The following C8orf34 variants were observed in gnomAD, a reference collection of about 807,000 sequenced individuals.
The protein encoded by C8orf34 is chromosome 8 open reading frame 34, also known as uncharacterized protein C8orf34.
In C8orf34, 65 loss-of-function variants were observed where a neutral mutation model predicts 68.3. The ratio of observed to expected loss-of-function variants is 0.95; its 90% CI spans 0.78 to 1.17. The LOEUF (loss-of-function observed/expected upper bound fraction) is 1.17. C8orf34 is among the 50% of genes most tolerant of loss of function. C8orf34 has a pLI of 0.00. For missense variants in C8orf34, 664 were observed against 655.4 expected (o/e 1.01, Z -0.14); for synonymous variants, 244 against 241.2 (o/e 1.01, Z -0.11).
At position 68,781,335 on chromosome 8, in the gene C8orf34, C is replaced by A. The variant is rs913478285; in HGVS notation, c.1455+4886C>A. ...GATAGAATAATATATTGATTCAGAG[C>A]TAGCAACCATGTTCCATGTGATAAA... is the stretch of plus-strand genomic sequence containing the variant. On this transcript the variant is annotated intron_variant, in intron 11 of 13. Transcript: ENST00000518698. 3.9e-5 allele frequency among the ~76,000 whole-genome samples: 6 copies of A among 152,188 alleles called. 1 individual carries two copies. In the South Asian group the frequency reaches 6.2e-4, roughly 16 times the overall value.
intron 5 of C8orf34, among the ~76,000 whole-genome samples, chr8:68,516,221 C>T (rs1001739360): frequency 2.6e-5 from 4 of 152,148 alleles, no homozygotes; most frequent in South Asian, 4.1e-4. Flanking sequence ...TTTGGTTAGA[C>T]GTAGAGATAC....
chr8:68,747,681 A>G (rs867974639), intron 10 of C8orf34, among the ~76,000 whole-genome samples: 1 of 152,270 alleles, frequency 6.6e-6, no homozygotes, highest in South Asian at 2.1e-4. Flanking sequence ...CTTTCAAGGG[A>G]TGTGAAGGAC....
intron 1 of C8orf34, among the ~76,000 whole-genome samples, chr8:68,415,255 G>A (rs986316875): frequency 6.6e-6 from 1 of 152,136 alleles, no homozygotes; most frequent in African/African-American, 2.4e-5. Flanking sequence ...CCAGGCGGGT[G>A]GATCACCTGA....
At chr8:68,805,577 G>A (rs1420808908) in intron 12 of C8orf34, among the ~76,000 whole-genome samples, 7 of 152,014 alleles carry the variant, frequency 4.6e-5, no homozygotes, top group Non-Finnish European at 5.9e-5. Flanking sequence ...TTTATTATTA[G>A]GAGATATTTC....
intron 2 of C8orf34, among the ~76,000 whole-genome samples, chr8:68,445,771 C>T (rs910521648): frequency 7.2e-5 from 11 of 152,120 alleles, no homozygotes; most frequent in African/African-American, 2.2e-4. Flanking sequence ...TCGGAACCCC[C>T]GCCTGAAAAA....
intron 1 of C8orf34, among the ~76,000 whole-genome samples, chr8:68,396,246 T>G (rs944658885): frequency 6.6e-6 from 1 of 152,136 alleles, no homozygotes; most frequent in Admixed American, 6.6e-5. Context: ...AATGGCTAAA[T>G]GCTTGTTTAT....
chr8:68,465,896 A>G (rs1812104270), intron 3 of C8orf34, among the ~76,000 whole-genome samples: 1 of 152,016 alleles, frequency 6.6e-6, no homozygotes, highest in Admixed American at 6.6e-5. Flanking sequence ...GCACATGTAT[A>G]CATATGTAAC....
chr8:68,361,460 C>T (rs1806995124), intron 1 of C8orf34, among the ~76,000 whole-genome samples: 2 of 152,134 alleles, frequency 1.3e-5, no homozygotes, highest in African/African-American at 4.8e-5. Flanking sequence ...TGGCAGCTGG[C>T]ACAATGAGCT....
At position 68,493,195 on chromosome 8, in the gene C8orf34, G is replaced by A. The variant is rs6991699; in HGVS notation, c.765+5144G>A. 3.3e-5 allele frequency among the ~76,000 whole-genome samples: 5 copies of A among 152,040 alleles called. No homozygotes were observed. The South Asian group carries it at 6.2e-4, about 19-fold the overall frequency. On this transcript the variant is annotated intron_variant, in intron 5 of 13. Coordinates refer to ENST00000518698, the MANE Select transcript of C8orf34 (RefSeq NM_052958.4). ...ACCCTCAAAATATCATTACACTTCC[G>A]TGCATCAAAGGACACAACACTCACA...
intron 3 of C8orf34, among the ~76,000 whole-genome samples, chr8:68,463,234 A>T (rs1811933937): frequency 6.6e-6 from 1 of 152,188 alleles, no homozygotes; most frequent in Non-Finnish European, 1.5e-5. Flanking sequence ...TCCCAAGACT[A>T]AACCAGGAAG....
At position 68,726,773 on chromosome 8, in the gene C8orf34, A is replaced by C. The variant is rs544870144; in HGVS notation, c.1404+5336A>C. Reference sequence around the variant, plus strand: ...GAAGCAAAAGCGGAAACCCCTGATAAACCCATCAGATCTCATGAGACTTGT... The same window carrying C: ...GAAGCAAAAGCGGAAACCCCTGATACACCCATCAGATCTCATGAGACTTGT... On this transcript the variant is annotated intron_variant, in intron 10 of 13. Transcript: ENST00000518698. Among the ~76,000 whole-genome samples, 16 of 152,288 alleles carry C rather than the reference A, an allele frequency of 1.1e-4. No individual in the cohort carries two copies. In the East Asian group the frequency reaches 2.9e-3, roughly 28 times the overall value.
At chr8:68,437,942 T>G (rs1169895016) in intron 1 of C8orf34, 5 of 152,110 alleles carry the variant, frequency 3.3e-5, no homozygotes, top group African/African-American at 1.2e-4. Flanking sequence ...TTCCTACACT[T>G]AAAAATGTAA....
intron 5 of C8orf34, among the ~76,000 whole-genome samples, chr8:68,519,717 G>T (rs757915495): frequency 1.3e-5 from 2 of 151,952 alleles, no homozygotes; most frequent in Non-Finnish European, 2.9e-5. Context: ...TTAAAAAATG[G>T]TCTTTCACCT....
At chr8:68,776,565 T>G in intron 11 of C8orf34, 116 bp downstream of exon 11, 1 of 744,772 alleles carries the variant, frequency 1.3e-6, no homozygotes, top group Non-Finnish European at 2.2e-6. Flanking sequence ...ATGTGTTCAA[T>G]GGTCATGTCC....
intron 8 of C8orf34, among the ~76,000 whole-genome samples, chr8:68,690,734 A>T (rs979341278): frequency 6.6e-6 from 1 of 152,072 alleles, no homozygotes; most frequent in Admixed American, 6.6e-5. Flanking sequence ...TTCAGACCAC[A>T]GCAAAATGAA....
chr8:68,336,189 C>A (rs926525167), intron 1 of C8orf34, among the ~76,000 whole-genome samples: 3 of 148,800 alleles, frequency 2.0e-5, no homozygotes, highest in Admixed American at 2.0e-4. Context: ...GCTTTCCTCC[C>A]TTTTTTTTTT....
chr8:68,748,569 A>G (rs114349455), intron 10 of C8orf34, among the ~76,000 whole-genome samples: 48,761 of 152,026 alleles, frequency 0.32, 8,139 homozygotes, highest in African/African-American at 0.41. Flanking sequence ...ATCAAGAAGT[A>G]GGCGAAGGAC....
chr8:68,513,985 T>G (rs1209357236), intron 5 of C8orf34, among the ~76,000 whole-genome samples: 2 of 152,196 alleles, frequency 1.3e-5, no homozygotes, highest in Non-Finnish European at 2.9e-5. Context: ...GAATCCCCAT[T>G]TTACTCACCA....
In C8orf34 at chr8:68,571,141, A is replaced by G. The variant is rs1586390170; in HGVS notation, c.1105+37992A>G. 2.6e-5 allele frequency among the ~76,000 whole-genome samples: 4 copies of G among 152,252 alleles called. No individual in the cohort carries two copies. In the South Asian group the frequency reaches 8.3e-4, roughly 32 times the overall value. ...TGGAAATAAAACATCTAGAACACGC[A>G]TACAGCCAACCTCAGCAATCTCAAG... On this transcript the variant is annotated intron_variant, in intron 7 of 13. Coordinates refer to ENST00000518698, the MANE Select transcript of C8orf34 (RefSeq NM_052958.4).
Sources: allele counts gnomAD v4.1 joint callset (sites outside exome capture counted in the v4.1 genomes callset), GRCh38; gene constraint gnomAD v4.1.1; transcripts MANE v1.5; gene names NCBI Gene and HGNC (gene_info 2026-07-23, HGNC 2026-07-21).